The following MAML3 variants were observed in gnomAD, a reference collection of about 807,000 sequenced individuals.
MAML3 encodes the protein mastermind-like protein 3.
In MAML3, 27 loss-of-function variants were observed where a neutral mutation model predicts 101.9. That is an observed-to-expected ratio of 0.27 (90% CI 0.20 to 0.37). The LOEUF is 0.37. Among genes scored for constraint, MAML3 ranks in the 10% least tolerant of loss-of-function variants. MAML3 has a pLI of 1.00. For missense variants in MAML3, 1,316 were observed against 1,444.9 expected (o/e 0.91, Z 1.45); for synonymous variants, 501 against 555.9 (o/e 0.90, Z 1.39).
At chr4:139,796,885 G>A (rs1249859677) in intron 2 of MAML3, among the ~76,000 whole-genome samples, 1 of 152,206 alleles carries the variant, frequency 6.6e-6, no homozygotes, top group Non-Finnish European at 1.5e-5. Context: ...CAAAGACCCA[G>A]TAGTTAGGTT....
At position 139,904,517 on chromosome 4, in the gene MAML3, C is replaced by T. The variant is rs185423808; in HGVS notation, c.469-13550G>A. Among the ~76,000 whole-genome samples, 12 of 152,266 alleles carry T rather than the reference C, an allele frequency of 7.9e-5. No homozygotes were observed. The East Asian group carries it at 1.7e-3, about 22-fold the overall frequency. ...CAGTGTCGTTTGCAGTAGGCATAGG[C>T]GACCACGCTGTGGGAGCACAAAGCA... On this transcript the variant is annotated intron_variant, in intron 1 of 4. Coordinates refer to ENST00000509479, the MANE Select transcript of MAML3 (RefSeq NM_018717.5).
At chr4:140,099,686 T>G (rs1459292312) in intron 1 of MAML3, among the ~76,000 whole-genome samples, 2 of 152,276 alleles carry the variant, frequency 1.3e-5, no homozygotes, top group Middle Eastern at 3.4e-3. Flanking sequence ...AAAATTAAAT[T>G]AGATAAAGGA....
At chr4:140,063,330 G>A (rs1196216307) in intron 1 of MAML3, among the ~76,000 whole-genome samples, 1 of 152,178 alleles carries the variant, frequency 6.6e-6, no homozygotes, top group Admixed American at 6.5e-5. Context: ...GAGGAGGACA[G>A]GACTGTAATA....
At chr4:139,995,477 C>T (rs562319446) in intron 1 of MAML3, among the ~76,000 whole-genome samples, 18 of 152,186 alleles carry the variant, frequency 1.2e-4, no homozygotes, top group African/African-American at 2.6e-4. Context: ...CTGTGCTTTT[C>T]GGTGTGGGAA....
intron 2 of MAML3, among the ~76,000 whole-genome samples, chr4:139,837,171 T>C (rs1390205833): frequency 6.9e-6 from 1 of 145,080 alleles, no homozygotes; most frequent in Non-Finnish European, 1.5e-5. Flanking sequence ...AATTACTAAC[T>C]CCAATACTAA....
At chr4:139,783,867 C>T (rs145779816) in intron 2 of MAML3, among the ~76,000 whole-genome samples, 98 of 152,278 alleles carry the variant, frequency 6.4e-4, no homozygotes, top group African/African-American at 2.3e-3. Flanking sequence ...TGTGACAGCC[C>T]GGGCTGCTGA....
chr4:139,887,865 C>A (rs199632103), intron 2 of MAML3, among the ~76,000 whole-genome samples: 67 of 72,432 alleles, frequency 9.3e-4, no homozygotes, highest in African/African-American at 3.1e-3. Flanking sequence ...TGCTTCAGAA[C>A]TTAATCTGGA....
chr4:139,812,266 A>G (rs1330909837), intron 2 of MAML3, among the ~76,000 whole-genome samples: 1 of 152,206 alleles, frequency 6.6e-6, no homozygotes, highest in Non-Finnish European at 1.5e-5. Context: ...AAAATCTTAA[A>G]GAGTCTAGGA....
chr4:139,867,060 C>T (rs1456637301), intron 2 of MAML3, among the ~76,000 whole-genome samples: 1 of 152,180 alleles, frequency 6.6e-6, no homozygotes, highest in African/African-American at 2.4e-5. Context: ...AAAATGTGTT[C>T]TTGAAATGTG....
chr4:139,816,693 C>T (rs768751936), intron 2 of MAML3, among the ~76,000 whole-genome samples: 3 of 152,042 alleles, frequency 2.0e-5, no homozygotes, highest in Non-Finnish European at 2.9e-5. Context: ...TAATAGATCT[C>T]GAGTGCCTAC....
intron 2 of MAML3, among the ~76,000 whole-genome samples, chr4:139,760,652 C>T (rs993099958): frequency 1.3e-5 from 2 of 152,178 alleles, no homozygotes; most frequent in Non-Finnish European, 2.9e-5. Flanking sequence ...CTGTAAAACA[C>T]GTGAATTTGA....
chr4:140,040,116 T>C (rs918250411), intron 1 of MAML3, among the ~76,000 whole-genome samples: 1 of 152,194 alleles, frequency 6.6e-6, no homozygotes, highest in Non-Finnish European at 1.5e-5. Context: ...TTTTTTCCTT[T>C]ATAGGTATTT....
At chr4:140,089,458 A>T (rs921935507) in intron 1 of MAML3, among the ~76,000 whole-genome samples, 2 of 152,216 alleles carry the variant, frequency 1.3e-5, no homozygotes, top group African/African-American at 4.8e-5. Context: ...ACCTTGGGCA[A>T]GTCACTTCAC....
chr4:140,066,576 G>A (rs889438677), intron 1 of MAML3, among the ~76,000 whole-genome samples: 11 of 152,172 alleles, frequency 7.2e-5, no homozygotes, highest in Admixed American at 2.6e-4. Flanking sequence ...ATTAATCTCA[G>A]AGCAGGGAAT....
chr4:139,734,743 T>C (rs951279960), intron 2 of MAML3, among the ~76,000 whole-genome samples: 2 of 152,240 alleles, frequency 1.3e-5, no homozygotes, highest in Non-Finnish European at 2.9e-5. Context: ...GTAGGGAAGC[T>C]TTATTTTTCT....
intron 2 of MAML3, among the ~76,000 whole-genome samples, chr4:139,852,632 C>G (rs1477342870): frequency 6.6e-6 from 1 of 152,002 alleles, no homozygotes; most frequent in Admixed American, 6.6e-5. Flanking sequence ...CCAGGCTGAT[C>G]TCGAACTCCT....
chr4:140,093,771 A>G (rs1262043755), intron 1 of MAML3, among the ~76,000 whole-genome samples: 1 of 152,048 alleles, frequency 6.6e-6, no homozygotes, highest in East Asian at 1.9e-4. Context: ...GCCTTCCTGG[A>G]TCAAATCTAT....
At chr4:139,978,412 A>G (rs889563592) in intron 1 of MAML3, among the ~76,000 whole-genome samples, 1 of 152,152 alleles carries the variant, frequency 6.6e-6, no homozygotes, top group Non-Finnish European at 1.5e-5. Flanking sequence ...TGAGCAGAGA[A>G]GAGCCTCAAC....
intron 1 of MAML3, among the ~76,000 whole-genome samples, chr4:139,929,257 T>C (rs945298842): frequency 4.6e-5 from 7 of 152,190 alleles, no homozygotes; most frequent in Non-Finnish European, 1.0e-4. Context: ...TGGAAGTCTC[T>C]AGCAGAGGAG....
Sources: allele counts gnomAD v4.1 joint callset (sites outside exome capture counted in the v4.1 genomes callset), GRCh38; gene constraint gnomAD v4.1.1; transcripts MANE v1.5; gene names NCBI Gene and HGNC (gene_info 2026-07-23, HGNC 2026-07-21).